BYSL: variants seen among roughly 807,000 people sequenced by gnomAD.
BYSL encodes bystin like, also known as bystin.
A neutral mutation model predicts 45.4 loss-of-function variants in BYSL; 21 were observed. The observed-to-expected ratio is 0.46, with a 90% CI of 0.33 to 0.67. BYSL has a LOEUF of 0.67. Among genes scored for constraint, BYSL ranks in the 30% least tolerant of loss-of-function variants. The pLI, the probability that BYSL is intolerant of heterozygous loss-of-function variation, is 0.02. For synonymous variants in BYSL, 215 were observed against 231.3 expected, an observed-to-expected ratio of 0.93 and a Z score of 0.64; for missense variants, 522 against 578.5, an observed-to-expected ratio of 0.90 and a Z score of 1.00.
At chr6:41,914,486 CAGTT>C in the BYSL span, among the ~76,000 whole-genome samples, 5 of 152,296 alleles carry the variant, frequency 3.3e-5, no homozygotes, top group Admixed American at 2.0e-4. Context: ...TACAGGTACA[CAGTT>C]AGAATGTGGC....
At chr6:41,911,656 CG>C in the BYSL span, among the ~76,000 whole-genome samples, 2 of 152,050 alleles carry the variant, frequency 1.3e-5, no homozygotes, top group Non-Finnish European at 2.9e-5. Flanking sequence ...ACATTCTAGA[CG>C]GGGGTAAGAG....
At chr6:41,917,059 C>T, upstream of BYSL, 7 of 1,039,740 alleles carry the variant, frequency 6.7e-6, no homozygotes, top group South Asian at 1.8e-5. Context: ...AAATTACCTA[C>T]TCTGACCGTC....
intron 1 of BYSL, among the ~76,000 whole-genome samples, chr6:41,927,098 A>C (rs2127385476): frequency 6.6e-6 from 1 of 152,106 alleles, no homozygotes; most frequent in African/African-American, 2.4e-5. Context: ...CATTTCAAAA[A>C]AAAAAAAAAA....
intron 1 of BYSL, among the ~76,000 whole-genome samples, chr6:41,926,488 G>A (rs1306595701): frequency 6.6e-6 from 1 of 151,458 alleles, no homozygotes; most frequent in Non-Finnish European, 1.5e-5. Context: ...GTCTCGCTTT[G>A]TCACCAGGCT....
upstream of BYSL, among the ~76,000 whole-genome samples, chr6:41,920,087 C>A (rs578192635): frequency 6.6e-6 from 1 of 152,316 alleles, no homozygotes; most frequent in Non-Finnish European, 1.5e-5. Context: ...TTACAACTAA[C>A]GCCTCCACGA....
chr6:41,909,170 T>C, the BYSL span: 1 of 1,421,012 alleles, frequency 7.0e-7, no homozygotes, highest in African/African-American at 1.6e-5. Flanking sequence ...CAAGACTCTG[T>C]CTCAAAAAAA....
At chr6:41,926,229 C>T (rs2127385210) in intron 1 of BYSL, among the ~76,000 whole-genome samples, 1 of 152,290 alleles carries the variant, frequency 6.6e-6, no homozygotes, top group East Asian at 1.9e-4. Flanking sequence ...GTTGTCTCTA[C>T]TACTCATTGT....
chr6:41,909,574 CAGAGT>C, the BYSL span: 3 of 1,594,344 alleles, frequency 1.9e-6, no homozygotes, highest in South Asian at 3.4e-5. Flanking sequence ...TGGCAAACCC[CAGAGT>C]AGAGTCAAAT....
intron 1 of BYSL, among the ~76,000 whole-genome samples, chr6:41,925,108 A>C (rs980577498): frequency 6.6e-6 from 1 of 152,150 alleles, no homozygotes; most frequent in Non-Finnish European, 1.5e-5. Context: ...ATCCAAGAGC[A>C]GCTTACAGGA....
At chr6:41,916,125 G>A in the BYSL span, among the ~76,000 whole-genome samples, 1 of 151,948 alleles carries the variant, frequency 6.6e-6, no homozygotes, top group South Asian at 2.1e-4. Flanking sequence ...GCTCATGCCT[G>A]TGGTCTCAGC....
At chr6:41,909,379 C>G in the BYSL span, 1 of 1,614,212 alleles carries the variant, frequency 6.2e-7, no homozygotes, top group Non-Finnish European at 8.5e-7. Flanking sequence ...CTGGCCTTAG[C>G]ACTCTGGAAA....
In BYSL at chr6:41,921,514, T is replaced by C. The variant is rs745761700; in HGVS notation, c.-49T>C. On this transcript the variant is annotated 5_prime_UTR_variant, in exon 1 of 7. Coordinates refer to ENST00000230340, the MANE Select transcript of BYSL (RefSeq NM_004053.4). ...TCCACCGCGCAAGCGCATCCTGGCC[T>C]TTCTTCAGTCCCCACGTGCGATCCT... 2.0e-6 allele frequency: 3 copies of C among 1,520,256 alleles called. No individual in the cohort carries two copies. Among genetic ancestry groups the C allele is most frequent in the Non-Finnish European group, 2.6e-6 (3 of 1,134,338 alleles). 94.2% of individuals were successfully genotyped at this position (1,520,256 alleles called of 1,614,324 possible). A position where few individuals can be genotyped will look rare whatever the true frequency, so the allele number is the denominator to read the frequency against.
Position 41,932,365 on chromosome 6 carries a change from G to T in BYSL, c.973G>T (p.Ala325Ser), listed in dbSNP as rs1216369230. 2 of 1,608,494 alleles carry T rather than the reference G, an allele frequency of 1.2e-6. No individual in the cohort carries two copies. Among genetic ancestry groups the T allele is most frequent in the South Asian group, 1.1e-5 (1 of 91,046 alleles). ...CSIPVLHSSA[A>S]MLKIAEMEYS... ...CCCACCTCCCTTTCCCACTAGTGCGGCCATGCTGAAAATTGCTGAGATGGA... is the reference window on the plus strand; with the variant it reads ...CCCACCTCCCTTTCCCACTAGTGCGTCCATGCTGAAAATTGCTGAGATGGA... The change falls in exon 7 of 7, where the codon GCC becomes TCC. Residue 325 changes from alanine (A) to serine (S), a missense_variant. By Grantham distance (99) the Ala-to-Ser change is moderately conservative (BLOSUM62 1). Coordinates refer to ENST00000230340, the MANE Select transcript of BYSL (RefSeq NM_004053.4). The surrounding 1 kb of genome is among the most constrained non-coding windows in gnomAD (Gnocchi z 4.7).
chr6:41,919,128 CAAAAAAAAAAAA>C (rs35512146), upstream of BYSL, among the ~76,000 whole-genome samples: 24 of 44,890 alleles, frequency 5.3e-4, no homozygotes, highest in Non-Finnish European at 3.1e-4. Flanking sequence ...GACTCTGCCT[CAAAAAAAAAAAA>C]AAAAAAAAAA....
intron 1 of BYSL, among the ~76,000 whole-genome samples, chr6:41,925,463 A>C (rs1775549960): frequency 1.3e-5 from 2 of 149,080 alleles, no homozygotes; most frequent in African/African-American, 2.5e-5. Context: ...TCCCGGGTTC[A>C]CACCATTCTC....
chr6:41,921,918 T>C, intron 1 of BYSL, 88 bp downstream of exon 1: 1 of 1,474,692 alleles, frequency 6.8e-7, no homozygotes, highest in African/African-American at 1.4e-5. Flanking sequence ...GGGGAATTGC[T>C]TCGAGTCAAC....
chr6:41,915,830 G>A, the BYSL span, among the ~76,000 whole-genome samples: 3 of 102,742 alleles, frequency 2.9e-5, no homozygotes, highest in African/African-American at 1.3e-4. Context: ...AGAAATTTTG[G>A]GTTGTAATGG....
upstream of BYSL, chr6:41,917,460 C>T (rs1775344568): frequency 4.7e-6 from 1 of 211,340 alleles, no homozygotes; most frequent in African/African-American, 2.4e-5. Context: ...AAGAGTAGAA[C>T]AAGGAGTCCA....
chr6:41,910,367 C>T, the BYSL span, among the ~76,000 whole-genome samples: 1 of 152,164 alleles, frequency 6.6e-6, no homozygotes, highest in South Asian at 2.1e-4. Flanking sequence ...CACAGTGGCT[C>T]CCACCCGTAA....
Sources: allele counts gnomAD v4.1 joint callset (sites outside exome capture counted in the v4.1 genomes callset), GRCh38; gene constraint gnomAD v4.1.1; non-coding constraint Gnocchi (gnomAD v3.1); transcripts MANE v1.5; gene names NCBI Gene and HGNC (gene_info 2026-07-23, HGNC 2026-07-21).